The following ADGRL2 variants were observed in gnomAD, a reference collection of about 807,000 sequenced individuals.
ADGRL2 encodes calcium-independent alpha-latrotoxin receptor 2.
A neutral mutation model predicts 157.4 loss-of-function variants in ADGRL2; 44 were observed. The observed-to-expected ratio is 0.28, with a 90% CI of 0.22 to 0.36. The LOEUF is 0.36. Ranked by LOEUF, ADGRL2 falls within the 10% of genes least tolerant of loss-of-function variation. ADGRL2 has a pLI of 1.00. For synonymous variants in ADGRL2, 585 were observed against 624.7 expected (o/e 0.94, Z 0.95); for missense variants, 1,510 against 1,768.9 (o/e 0.85, Z 2.63).
At chr1:81,803,045 CGGGCCGCGTTG>C (rs1161143862) in intron 1 of ADGRL2, among the ~76,000 whole-genome samples, 3 of 152,010 alleles carry the variant, frequency 2.0e-5, no homozygotes, top group Non-Finnish European at 4.4e-5. Flanking sequence ...AGGGCAGCAG[CGGGCCGCGTTG>C]GGCCTGCGGG....
At chr1:81,807,126 G>A (rs1011017083) in intron 1 of ADGRL2, among the ~76,000 whole-genome samples, 2 of 151,868 alleles carry the variant, frequency 1.3e-5, no homozygotes, top group Non-Finnish European at 2.9e-5. Context: ...GATAGATTTC[G>A]ATAAAGCATT....
chr1:81,491,346 C>G (rs1249734117), intron 2 of ADGRL2, among the ~76,000 whole-genome samples: 6 of 152,040 alleles, frequency 3.9e-5, no homozygotes, highest in Admixed American at 3.3e-4. Context: ...GTGAGATTCT[C>G]TATACATCCC....
At chr1:81,649,210 C>T (rs535608521) in intron 3 of ADGRL2, among the ~76,000 whole-genome samples, 50 of 152,226 alleles carry the variant, frequency 3.3e-4, no homozygotes, top group Non-Finnish European at 6.6e-4. Context: ...AAAGGTATTC[C>T]GCCTTTCACC....
chr1:81,925,791 G>C (rs1002410891), intron 3 of ADGRL2, among the ~76,000 whole-genome samples: 13 of 152,014 alleles, frequency 8.6e-5, no homozygotes, highest in Middle Eastern at 6.8e-3. Context: ...AATTATATTA[G>C]TTATCAATTC....
intron 1 of ADGRL2, among the ~76,000 whole-genome samples, chr1:81,710,256 C>T (rs979890624): frequency 2.6e-5 from 4 of 152,132 alleles, no homozygotes; most frequent in African/African-American, 9.7e-5. Context: ...ATGAACAGTG[C>T]TGCCTTTCTA....
chr1:81,415,024 CGTT>C (rs920277712), intron 1 of ADGRL2, among the ~76,000 whole-genome samples: 64 of 152,106 alleles, frequency 4.2e-4, no homozygotes, highest in African/African-American at 1.5e-3. Flanking sequence ...TGACAACAGA[CGTT>C]GTGTAAAGAA....
At chr1:81,735,601 C>G (rs1002254358) in intron 1 of ADGRL2, among the ~76,000 whole-genome samples, 2 of 150,994 alleles carry the variant, frequency 1.3e-5, no homozygotes, top group Admixed American at 6.6e-5. Context: ...AACAGCCTAG[C>G]CAACATGGTG....
At chr1:81,492,120 T>C (rs1557731781) in intron 2 of ADGRL2, among the ~76,000 whole-genome samples, 1 of 152,210 alleles carries the variant, frequency 6.6e-6, no homozygotes, top group Non-Finnish European at 1.5e-5. Flanking sequence ...ATAACTTTGT[T>C]TCTTTCTAGT....
At chr1:81,495,139 C>A (rs1214837652) in intron 2 of ADGRL2, among the ~76,000 whole-genome samples, 2 of 152,046 alleles carry the variant, frequency 1.3e-5, no homozygotes, top group Admixed American at 1.3e-4. Flanking sequence ...TTACTTTGCC[C>A]ACAGAGGAAT....
intron 2 of ADGRL2, among the ~76,000 whole-genome samples, chr1:81,460,406 A>G (rs918241261): frequency 2.0e-5 from 3 of 152,156 alleles, no homozygotes; most frequent in Admixed American, 2.0e-4. Flanking sequence ...AAAATTTACA[A>G]CAGCTGCTTT....
intron 1 of ADGRL2, among the ~76,000 whole-genome samples, chr1:81,346,067 G>A (rs1035515551): frequency 6.6e-6 from 1 of 152,258 alleles, no homozygotes; most frequent in Non-Finnish European, 1.5e-5. Context: ...CAGTGAGTTT[G>A]TAAAAATACT....
At chr1:81,697,495 T>C (rs1304584323), upstream of ADGRL2, among the ~76,000 whole-genome samples, 1 of 152,162 alleles carries the variant, frequency 6.6e-6, no homozygotes, top group Non-Finnish European at 1.5e-5. Flanking sequence ...AATAATGATA[T>C]TGTCAGGCTC....
chr1:81,931,737 C>T lies in ADGRL2; in HGVS notation c.288-4991C>T, dbSNP rs1423404272. ...TGGCCTGTGCTTCAGTGGTGCCATC[C>T]TCCCACCTCAGTCTCCCCCAAGTAG... On this transcript the variant is annotated intron_variant, in intron 3 of 23. Coordinates refer to ENST00000686636, the MANE Select transcript of ADGRL2 (RefSeq NM_001366006.2). 1.1e-4 allele frequency among the ~76,000 whole-genome samples: 17 copies of T among 151,930 alleles called. 1 individual carries two copies. The highest frequency in any genetic ancestry group is 5.9e-5 in the Non-Finnish European group (4 of 67,978).
intron 1 of ADGRL2, among the ~76,000 whole-genome samples, chr1:81,731,890 A>G (rs1435550822): frequency 6.6e-6 from 1 of 152,106 alleles, no homozygotes; most frequent in Non-Finnish European, 1.5e-5. Flanking sequence ...AAAGAGAGAG[A>G]CTCAGCTATA....
intron 1 of ADGRL2, among the ~76,000 whole-genome samples, chr1:81,324,964 A>G (rs1557597812): frequency 6.6e-6 from 1 of 151,734 alleles, no homozygotes; most frequent in East Asian, 1.9e-4. Flanking sequence ...TGATCCACCC[A>G]CCCCGACCTC....
chr1:81,513,523 TGA>T (rs1309933430), intron 2 of ADGRL2, among the ~76,000 whole-genome samples: 1 of 152,064 alleles, frequency 6.6e-6, no homozygotes, highest in African/African-American at 2.4e-5. Context: ...AATGGCTCAG[TGA>T]GGGAAGGACT....
chr1:81,516,143 C>T (rs2148124988), intron 2 of ADGRL2, among the ~76,000 whole-genome samples: 1 of 152,198 alleles, frequency 6.6e-6, no homozygotes, highest in Admixed American at 6.5e-5. Flanking sequence ...ATAATTTTTT[C>T]CTTAGAATAA....
At chr1:81,358,556 A>G (rs550480874) in intron 1 of ADGRL2, among the ~76,000 whole-genome samples, 31 of 152,292 alleles carry the variant, frequency 2.0e-4, no homozygotes, top group Admixed American at 6.5e-4. Context: ...TCAGAGATAT[A>G]GAACATATGA....
At chr1:81,988,107 A>G (rs1663711079) in intron 23 of ADGRL2, among the ~76,000 whole-genome samples, 1 of 152,154 alleles carries the variant, frequency 6.6e-6, no homozygotes, top group Admixed American at 6.6e-5. Context: ...ATACTTAAGT[A>G]TACGCAATGC....
Sources: gnomAD v4.1 joint callset for allele counts (sites outside exome capture counted in the v4.1 genomes callset) on GRCh38, gnomAD v4.1.1 for gene constraint, MANE v1.5 for transcripts, NCBI Gene and HGNC (gene_info 2026-07-23, HGNC 2026-07-21) for gene names.